Variants in ZFHX3 observed in about 807,000 individuals in gnomAD.
ZFHX3 encodes the protein zinc finger homeobox 3.
A neutral mutation model predicts 279.1 loss-of-function variants in ZFHX3; 42 were observed. The ratio of observed to expected loss-of-function variants is 0.15; its 90% CI spans 0.12 to 0.19. The LOEUF (loss-of-function observed/expected upper bound fraction) is 0.19. Ranked by LOEUF, ZFHX3 falls within the 10% of genes least tolerant of loss-of-function variation. The pLI is 1.00. For synonymous variants in ZFHX3, 2,293 were observed against 1,957.8 expected (o/e 1.17, Z -4.52); for missense variants, 4,981 against 4,754.0 (o/e 1.05, Z -1.40).
At chr16:72,880,204 C>A (rs528561891) in intron 4 of ZFHX3, among the ~76,000 whole-genome samples, 1 of 152,294 alleles carries the variant, frequency 6.6e-6, no homozygotes, top group South Asian at 2.1e-4. Context: ...GTCCTACCCT[C>A]CTGCCCCACC....
At chr16:73,405,367 A>C (rs1362526340) in intron 3 of ZFHX3, among the ~76,000 whole-genome samples, 2 of 152,168 alleles carry the variant, frequency 1.3e-5, no homozygotes, top group Non-Finnish European at 2.9e-5. Flanking sequence ...TTTTCAGTAG[A>C]ATAACATAAA....
At chr16:73,866,737 T>G (rs954860128) in intron 1 of ZFHX3, among the ~76,000 whole-genome samples, 1 of 152,146 alleles carries the variant, frequency 6.6e-6, no homozygotes, top group African/African-American at 2.4e-5. Context: ...ACAGCACAGG[T>G]GCAGGGAGTT....
chr16:73,269,179 C>G (rs1279639450), intron 4 of ZFHX3, among the ~76,000 whole-genome samples: 2 of 152,124 alleles, frequency 1.3e-5, no homozygotes, highest in Admixed American at 1.3e-4. Context: ...TGAAAAATAA[C>G]TTACATTCAG....
intron 1 of ZFHX3, among the ~76,000 whole-genome samples, chr16:73,886,372 C>G (rs953619920): frequency 1.3e-5 from 2 of 151,998 alleles, no homozygotes; most frequent in Admixed American, 6.6e-5. Context: ...AAAAAGCTTA[C>G]ATTTGAAAGA....
chr16:73,035,988 C>A (rs1964886525), intron 1 of ZFHX3, among the ~76,000 whole-genome samples: 1 of 152,246 alleles, frequency 6.6e-6, no homozygotes, highest in Non-Finnish European at 1.5e-5. Flanking sequence ...CCGTCTCCTA[C>A]TCCAGCCTGA....
chr16:73,590,912 A>G lies in ZFHX3; in HGVS notation c.-1547+89268T>C, dbSNP rs139103444. 3.7e-3 allele frequency among the ~76,000 whole-genome samples: 558 copies of G among 151,604 alleles called. 4 individuals are homozygous for G. Among genetic ancestry groups the G allele is most frequent in the African/African-American group, 0.013 (524 of 41,286 alleles). On this transcript the variant is annotated intron_variant, in intron 2 of 17. Coordinates refer to the ZFHX3 transcript ENST00000641206. The stretch of plus-strand genomic sequence containing the variant: ...CATCCCCTATAAAGTAATTTTTGGG[A>G]AAAAAAAATCAAACCAGTATCCAGC...
chr16:73,033,626 C>T (rs1964789799), intron 1 of ZFHX3, among the ~76,000 whole-genome samples: 1 of 152,136 alleles, frequency 6.6e-6, no homozygotes, highest in African/African-American at 2.4e-5. Flanking sequence ...CAGAGGCCAG[C>T]GCCGGGGCCC....
At chr16:73,642,575 T>G (rs2052583597) in intron 2 of ZFHX3, among the ~76,000 whole-genome samples, 1 of 152,122 alleles carries the variant, frequency 6.6e-6, no homozygotes, top group African/African-American at 2.4e-5. Flanking sequence ...TACCAAAATA[T>G]AAAACGGCAT....
intron 8 of ZFHX3, among the ~76,000 whole-genome samples, chr16:73,075,551 T>C (rs971414333): frequency 6.6e-6 from 1 of 152,162 alleles, no homozygotes; most frequent in Non-Finnish European, 1.5e-5. Context: ...AGAGACATGA[T>C]CTTGCAGTGA....
At chr16:73,438,260 T>A (rs1391267085) in intron 3 of ZFHX3, among the ~76,000 whole-genome samples, 1 of 152,202 alleles carries the variant, frequency 6.6e-6, no homozygotes, top group East Asian at 1.9e-4. Context: ...GATGACATTA[T>A]CACAAAGTCA....
chr16:73,155,127 T>C (rs571524762), intron 5 of ZFHX3, among the ~76,000 whole-genome samples: 2 of 144,256 alleles, frequency 1.4e-5, no homozygotes, highest in East Asian at 2.0e-4. Flanking sequence ...GAGCTAAGAT[T>C]GGGCCATTGC....
intron 2 of ZFHX3, among the ~76,000 whole-genome samples, chr16:73,556,797 T>C (rs905259810): frequency 1.3e-5 from 2 of 151,912 alleles, no homozygotes; most frequent in Non-Finnish European, 2.9e-5. Context: ...AGATTGGCTT[T>C]AAGAAGGCCT....
intron 2 of ZFHX3, among the ~76,000 whole-genome samples, chr16:73,568,357 C>G (rs1597003266): frequency 6.6e-6 from 1 of 152,008 alleles, no homozygotes; most frequent in East Asian, 1.9e-4. Context: ...CGTCATCTTT[C>G]CATTTGTAAC....
chr16:73,800,740 C>A (rs1169778930), intron 1 of ZFHX3, among the ~76,000 whole-genome samples: 1 of 152,172 alleles, frequency 6.6e-6, no homozygotes, highest in African/African-American at 2.4e-5. Context: ...CTGCCCAACT[C>A]CATCTGCCCC....
intron 4 of ZFHX3, among the ~76,000 whole-genome samples, chr16:73,285,670 T>A (rs2014578064): frequency 6.6e-6 from 1 of 152,236 alleles, no homozygotes; most frequent in South Asian, 2.1e-4. Context: ...GGGAAATATA[T>A]CCCAAGATGG....
In ZFHX3 at chr16:73,262,143, A is replaced by C. The variant is rs74030022; in HGVS notation, c.-1193-5007T>G. Reference sequence around the variant, plus strand: ...TTAATAATGCCACATTTTCACATTTAAGTGAATTTAATCAATATTTGTGAA... The same window carrying C: ...TTAATAATGCCACATTTTCACATTTCAGTGAATTTAATCAATATTTGTGAA... On this transcript the variant is annotated intron_variant, in intron 4 of 17. Coordinates refer to the ZFHX3 transcript ENST00000641206. Among the ~76,000 whole-genome samples, 1,001 of 152,368 alleles carry C rather than the reference A, an allele frequency of 6.6e-3. 11 individuals are homozygous for C. The highest frequency in any genetic ancestry group is 0.023 in the African/African-American group (951 of 41,582).
At chr16:72,851,849 C>T (rs2037626861) in intron 4 of ZFHX3, among the ~76,000 whole-genome samples, 1 of 152,172 alleles carries the variant, frequency 6.6e-6, no homozygotes, top group Non-Finnish European at 1.5e-5. Context: ...CCGCACCTGG[C>T]CTCAATTTCA....
At chr16:73,809,593 G>A (rs1567417566) in intron 1 of ZFHX3, 1 of 152,166 alleles carries the variant, frequency 6.6e-6, no homozygotes, top group Non-Finnish European at 1.5e-5. Flanking sequence ...TGCATTGACT[G>A]GGGGAGTCGG....
chr16:72,950,733 G>T lies in ZFHX3; in HGVS notation c.2952C>A (p.Tyr984Ter). ...DEWKAVMGDS[Y>*]QCKLCRYNTQ... ...TGTTGTAGCGGCAGAGCTTGCACTG[G>T]TATGAGTCCCCCATCACCGCCTTCC... Residue 984 changes from tyrosine to a stop codon, truncating the protein, a stop_gained, in exon 3 of 10, where the codon TAC (tyrosine) becomes TAA (stop). Coordinates refer to ENST00000268489, the MANE Select transcript of ZFHX3 (RefSeq NM_006885.4). LOFTEE classifies it high-confidence loss of function. 6.2e-7 allele frequency: 1 copy of T among 1,614,202 alleles called. No homozygotes were observed. The highest frequency in any genetic ancestry group is 1.1e-5 in the South Asian group (1 of 91,076).
Sources: allele counts gnomAD v4.1 joint callset (sites outside exome capture counted in the v4.1 genomes callset), GRCh38; gene constraint gnomAD v4.1.1; transcripts MANE v1.5; gene names NCBI Gene and HGNC (gene_info 2026-07-23, HGNC 2026-07-21).